EBF2: variants seen among roughly 807,000 people sequenced by gnomAD.
EBF2 encodes transcription factor COE2.
Under a neutral mutation model 72.8 loss-of-function variants are expected in EBF2, and 21 were observed. That is an observed-to-expected ratio of 0.29 (90% CI 0.20 to 0.42). EBF2 has a LOEUF of 0.42. Among genes scored for constraint, EBF2 ranks in the 10% least tolerant of loss-of-function variants. The pLI, the probability that EBF2 is intolerant of heterozygous loss-of-function variation, is 1.00. For missense variants in EBF2, 637 were observed against 731.2 expected, an observed-to-expected ratio of 0.87 and a Z score of 1.49; for synonymous variants, 299 against 274.2, an observed-to-expected ratio of 1.09 and a Z score of -0.89.
chr8:25,968,835 G>T (rs780531740), intron 6 of EBF2, among the ~76,000 whole-genome samples: 1 of 152,192 alleles, frequency 6.6e-6, no homozygotes, highest in Admixed American at 6.5e-5. Context: ...TGGGATGACA[G>T]GCACGAGCCA....
At chr8:25,887,044 G>A (rs1047485984) in intron 9 of EBF2, among the ~76,000 whole-genome samples, 163 bp from the exon 10 acceptor site, 28 of 151,908 alleles carry the variant, frequency 1.8e-4, no homozygotes, top group African/African-American at 6.0e-4. Flanking sequence ...GAACATCCCT[G>A]TCCTGTCTCT....
At chr8:25,930,930 C>T (rs1803469528) in intron 6 of EBF2, among the ~76,000 whole-genome samples, 1 of 152,060 alleles carries the variant, frequency 6.6e-6, no homozygotes, top group African/African-American at 2.4e-5. Context: ...TGATGGACTG[C>T]CTGGTAAGAT....
At chr8:25,913,561 C>T (rs924106586) in intron 6 of EBF2, among the ~76,000 whole-genome samples, 1 of 152,168 alleles carries the variant, frequency 6.6e-6, no homozygotes, top group South Asian at 2.1e-4. Context: ...ACTCTGAAAA[C>T]TTAGTTCCTT....
At chr8:25,967,620 T>C (rs1279173469) in intron 6 of EBF2, among the ~76,000 whole-genome samples, 2 of 152,218 alleles carry the variant, frequency 1.3e-5, no homozygotes, top group Admixed American at 6.5e-5. Flanking sequence ...TGAATGCATA[T>C]CACTTTCACA....
chr8:25,953,641 G>C (rs564664614), intron 6 of EBF2, among the ~76,000 whole-genome samples: 28 of 152,298 alleles, frequency 1.8e-4, no homozygotes, highest in African/African-American at 6.5e-4. Context: ...ATCAGAGACA[G>C]TGTCACCTAA....
At chr8:25,878,279 A>G (rs1395073361) in intron 10 of EBF2, among the ~76,000 whole-genome samples, 1 of 152,170 alleles carries the variant, frequency 6.6e-6, no homozygotes, top group Non-Finnish European at 1.5e-5. Flanking sequence ...CTAGGCCTAT[A>G]GCAGCCTAGG....
At chr8:25,971,540 G>A (rs1804190027) in intron 6 of EBF2, among the ~76,000 whole-genome samples, 1 of 152,150 alleles carries the variant, frequency 6.6e-6, no homozygotes, top group South Asian at 2.1e-4. Context: ...TTATTGGTAG[G>A]AGGGCCCAGA....
chr8:25,906,519 C>A (rs1266410527), intron 7 of EBF2, among the ~76,000 whole-genome samples: 2 of 152,114 alleles, frequency 1.3e-5, no homozygotes, highest in Admixed American at 1.3e-4. Context: ...GTAATCCCAG[C>A]AATTTAGAAG....
intron 14 of EBF2, among the ~76,000 whole-genome samples, chr8:25,851,698 A>ATGACT (rs775958199): frequency 2.2e-4 from 33 of 152,214 alleles, no homozygotes; most frequent in Non-Finnish European, 4.4e-4. Context: ...TCCAAGTCAC[A>ATGACT]TGACTTGACA....
At chr8:25,999,436 A>G (rs74541017) in intron 6 of EBF2, among the ~76,000 whole-genome samples, 1,664 of 152,268 alleles carry the variant, frequency 0.011, 21 homozygotes, top group South Asian at 0.028. Context: ...ATGTCTCATG[A>G]AAACTCTCAT....
intron 6 of EBF2, among the ~76,000 whole-genome samples, chr8:26,022,279 TCTGCTCTGTAATGTGGGATAACATTTC>T (rs1327772807): frequency 6.6e-6 from 1 of 152,252 alleles, no homozygotes; most frequent in Non-Finnish European, 1.5e-5. Flanking sequence ...CAATTGGGTT[TCTGCTCTGTAATGTGGGATAACATTTC>T]CAGTCTGTAG....
At chr8:25,911,757 T>G (rs558139441) in intron 6 of EBF2, among the ~76,000 whole-genome samples, 2 of 152,334 alleles carry the variant, frequency 1.3e-5, no homozygotes, top group African/African-American at 4.8e-5. Flanking sequence ...AGACCATGAC[T>G]TATTGAAACC....
At chr8:25,928,935 T>C (rs1264290231) in intron 6 of EBF2, among the ~76,000 whole-genome samples, 7 of 152,124 alleles carry the variant, frequency 4.6e-5, no homozygotes, top group Admixed American at 2.6e-4. Flanking sequence ...ACATGCAGAA[T>C]GCTTTCGAGG....
At chr8:25,856,850 C>A (rs141613765) in intron 14 of EBF2, among the ~76,000 whole-genome samples, 30 of 152,296 alleles carry the variant, frequency 2.0e-4, no homozygotes, top group African/African-American at 7.2e-4. Context: ...TTTGCTTTAG[C>A]CTCTTGTAAA....
intron 6 of EBF2, among the ~76,000 whole-genome samples, chr8:25,996,358 C>A (rs1185124200): frequency 6.6e-6 from 1 of 151,312 alleles, no homozygotes; most frequent in Non-Finnish European, 1.5e-5. Flanking sequence ...GAAATTTTTT[C>A]CAGCATCCCA....
intron 9 of EBF2, 134 bp from the exon 10 acceptor site, chr8:25,887,015 C>T: frequency 3.3e-6 from 3 of 903,058 alleles, no homozygotes; most frequent in Non-Finnish European, 4.8e-6. Context: ...TGGAGTACTC[C>T]TAGCTCCAAA....
At chr8:25,867,516 C>A (rs902724238) in intron 10 of EBF2, among the ~76,000 whole-genome samples, 1 of 152,206 alleles carries the variant, frequency 6.6e-6, no homozygotes, top group Admixed American at 6.5e-5. Flanking sequence ...ACCTCTTTGG[C>A]CATGTCAGAC....
intron 6 of EBF2, among the ~76,000 whole-genome samples, chr8:25,997,868 T>TA: frequency 6.6e-6 from 1 of 152,144 alleles, no homozygotes; most frequent in South Asian, 2.1e-4. Flanking sequence ...TGAAACTGGG[T>TA]AAAAAAGCTA....
At chr8:26,035,700 T>C (rs1805489610) in intron 5 of EBF2, among the ~76,000 whole-genome samples, 1 of 152,044 alleles carries the variant, frequency 6.6e-6, no homozygotes. Context: ...AAAAGAAAAA[T>C]GGTCTCAACT....
Sources: allele counts gnomAD v4.1 joint callset (sites outside exome capture counted in the v4.1 genomes callset), GRCh38; gene constraint gnomAD v4.1.1; transcripts MANE v1.5; gene names NCBI Gene and HGNC (gene_info 2026-07-23, HGNC 2026-07-21).